The following PTPN22 variants were observed in gnomAD, a reference collection of about 807,000 sequenced individuals.
The protein encoded by PTPN22 is protein tyrosine phosphatase non-receptor type 22.
PTPN22 carries 85 observed loss-of-function variants against 103.3 expected under a neutral mutation model. The ratio of observed to expected loss-of-function variants is 0.82; its 90% CI spans 0.69 to 0.99. The LOEUF (loss-of-function observed/expected upper bound fraction) is 0.99. Among genes scored for constraint, PTPN22 ranks in the 50% least tolerant of loss-of-function variants. The pLI, the probability that PTPN22 is intolerant of heterozygous loss-of-function variation, is 0.00. For missense variants in PTPN22, 865 were observed against 936.9 expected (o/e 0.92, Z 1.00); for synonymous variants, 323 against 310.2 (o/e 1.04, Z -0.43).
chr1:113,848,901 A>C (rs1300875518), intron 10 of PTPN22, among the ~76,000 whole-genome samples: 1 of 152,134 alleles, frequency 6.6e-6, no homozygotes, highest in Non-Finnish European at 1.5e-5. Flanking sequence ...TTATGTTCTA[A>C]ACCTAGTTTC....
At chr1:113,817,912 A>G (rs867882818) in intron 20 of PTPN22, among the ~76,000 whole-genome samples, 5 of 151,620 alleles carry the variant, frequency 3.3e-5, no homozygotes, top group South Asian at 2.1e-4. Flanking sequence ...AGCAGAGAAC[A>G]TTTATGTTCC....
Position 113,838,660 on chromosome 1 carries a change from C to T in PTPN22, c.916-40G>A, listed in dbSNP as rs760006395. On this transcript the variant is annotated intron_variant, in intron 11 of 20. Coordinates refer to ENST00000359785, the Ensembl canonical transcript of PTPN22. ...AGTCAGAGGCTGGTTTTCAGTGAAG[C>T]AATGTCAATAAGATATTTTAATATT... 4.4e-6 allele frequency: 7 copies of T among 1,590,784 alleles called. No individual in the cohort carries two copies. In the East Asian group the frequency reaches 1.3e-4, roughly 31 times the overall value.
intron 4 of PTPN22, 88 bp downstream of exon 4, chr1:113,858,390 G>A (rs1665261190): frequency 1.2e-6 from 1 of 869,348 alleles, no homozygotes; most frequent in African/African-American, 1.7e-5. Context: ...AAAGATGCCT[G>A]AACCCTGAAG....
rs543820627 is a variant in PTPN22, at chr1:113,848,593, C to T, written c.862G>A (p.Glu288Lys). Residue 288 changes from glutamate (E) to lysine (K), a missense_variant, in exon 11 of 21, where the codon GAA (glutamate) becomes AAA (lysine). Glu to Lys is a moderately conservative substitution (Grantham distance 56, BLOSUM62 1). Coordinates refer to ENST00000359785, the Ensembl canonical transcript of PTPN22. Reference sequence around the variant, plus strand: ...ACATCCATCTGTCTCTTAAATAGTTCTAATACAGCATTGTAGACCAGTTCA... The same window carrying T: ...ACATCCATCTGTCTCTTAAATAGTTTTAATACAGCATTGTAGACCAGTTCA... 7 of 1,613,514 alleles carry T rather than the reference C, an allele frequency of 4.3e-6. No homozygotes were observed. The East Asian group carries it at 1.6e-4, about 36-fold the overall frequency.
In PTPN22 at chr1:113,855,398, G is replaced by A. The variant is rs3789610; in HGVS notation, c.541-349C>T. ...TAGTCCCAGCTACTGGGGAGGCCAC[G>A]GCACAAGAGTTGCTTGGACCCAGGA... On this transcript the variant is annotated intron_variant, in intron 7 of 20. Coordinates refer to ENST00000359785, the Ensembl canonical transcript of PTPN22. Among the ~76,000 whole-genome samples the A allele has an allele frequency of 1.4e-3, 211 of 149,148 alleles. 7 individuals carry two copies. In the East Asian group the frequency reaches 0.034, roughly 24 times the overall value.
chr1:113,815,257 A>G lies in PTPN22; in HGVS notation c.2360-288T>C, dbSNP rs947140956. ...TATATATAGGCTTTGATAATTTAGT[A>G]TATAATATCATTTGTCTATGACTTT... On this transcript the variant is annotated intron_variant, in intron 20 of 20. Coordinates refer to ENST00000359785, the Ensembl canonical transcript of PTPN22. 2.0e-5 allele frequency: 5 copies of G among 247,970 alleles called. 1 individual carries two copies. Among genetic ancestry groups the G allele is most frequent in the Non-Finnish European group, 3.8e-5 (5 of 129,926 alleles). 15.4% of individuals were successfully genotyped at this position (247,970 alleles called of 1,614,324 possible). A position where few individuals can be genotyped will look rare whatever the true frequency, so the allele number is the denominator to read the frequency against.
chr1:113,866,501 C>T (rs1295315877), intron 1 of PTPN22, among the ~76,000 whole-genome samples: 1 of 150,006 alleles, frequency 6.7e-6, no homozygotes, highest in African/African-American at 2.4e-5. Flanking sequence ...CAGAGTGAGA[C>T]TCCATCTCAA....
At chr1:113,827,390 C>T (rs1293557374) in intron 18 of PTPN22, among the ~76,000 whole-genome samples, 2 of 151,994 alleles carry the variant, frequency 1.3e-5, no homozygotes, top group African/African-American at 4.8e-5. Flanking sequence ...TTGTTAGTAT[C>T]CTTCCAGTGT....
chr1:113,824,188 G>A (rs1487127234), intron 19 of PTPN22, among the ~76,000 whole-genome samples: 2 of 150,718 alleles, frequency 1.3e-5, no homozygotes, highest in Admixed American at 6.6e-5. Context: ...CGCAACCTCC[G>A]CATCCCGAGT....
chr1:113,814,988 T>C lies in PTPN22; in HGVS notation c.2360-19A>G. ...GCAAAACCTGGGAACAAAAATAAAG[T>C]TGAATGAAAAGAAAGATGTTTTAAG... On this transcript the variant is annotated intron_variant, in intron 20 of 20. Coordinates refer to ENST00000359785, the Ensembl canonical transcript of PTPN22. The C allele has an allele frequency of 3.8e-6, 6 of 1,581,848 alleles. No homozygotes were observed. The highest frequency in any genetic ancestry group is 1.1e-5 in the South Asian group (1 of 88,116).
At chr1:113,845,883 A>G (rs1287683477) in intron 11 of PTPN22, among the ~76,000 whole-genome samples, 3 of 152,124 alleles carry the variant, frequency 2.0e-5, no homozygotes, top group East Asian at 1.9e-4. Context: ...TTATCTCCCT[A>G]TCTCTGATAA....
intron 9 of PTPN22, among the ~76,000 whole-genome samples, chr1:113,853,204 C>G (rs1423963362): frequency 1.3e-5 from 2 of 152,030 alleles, no homozygotes; most frequent in African/African-American, 2.4e-5. Context: ...TCCCAAAGTG[C>G]TGAGATTACA....
intron 11 of PTPN22, among the ~76,000 whole-genome samples, chr1:113,842,665 T>G (rs1444255014): frequency 6.6e-6 from 1 of 151,576 alleles, no homozygotes; most frequent in Admixed American, 6.6e-5. Flanking sequence ...AGAGCGAGAC[T>G]GTGCTCAAAA....
At chr1:113,867,567 T>C (rs1666217561) in intron 1 of PTPN22, among the ~76,000 whole-genome samples, 1 of 152,218 alleles carries the variant, frequency 6.6e-6, no homozygotes, top group South Asian at 2.1e-4. Flanking sequence ...TAGCAATTAG[T>C]TGTTTAATGT....
intron 1 of PTPN22, among the ~76,000 whole-genome samples, chr1:113,868,557 C>T (rs1457145880): frequency 6.6e-6 from 1 of 152,182 alleles, no homozygotes; most frequent in Non-Finnish European, 1.5e-5. Flanking sequence ...TTAGATGGAG[C>T]TGAGAGGAAG....
intron 15 of PTPN22, 44 bp from the exon 16 acceptor site, chr1:113,833,182 A>G (rs371334882): frequency 2.3e-5 from 33 of 1,448,320 alleles, no homozygotes; most frequent in Non-Finnish European, 3.0e-5. Context: ...GAATATGTAT[A>G]CAAATTATAC....
intron 10 of PTPN22, among the ~76,000 whole-genome samples, chr1:113,850,253 G>A: frequency 6.6e-6 from 1 of 150,662 alleles, no homozygotes; most frequent in African/African-American, 2.5e-5. Context: ...AGGAAGGAAG[G>A]AAGGAAGGAA....
rs144077372 is a variant in PTPN22, at chr1:113,863,906, A to AAT, written c.88-4448_88-4447dup. 1.1e-3 allele frequency among the ~76,000 whole-genome samples: 107 copies of AAT among 95,164 alleles called. 1 individual carries two copies. The highest frequency in any genetic ancestry group is 5.7e-3 in the Middle Eastern group (1 of 176). The allele number at this position is 95,164 out of a possible 152,430, so 62.4% of individuals were successfully genotyped here. A position where few individuals can be genotyped will look rare whatever the true frequency, so the allele number is the denominator to read the frequency against. On this transcript the variant is annotated intron_variant, in intron 1 of 20. Transcript: ENST00000359785. Reference sequence around the variant, plus strand: ...TTCAATGAATCCTTTATATTTAATAAATATATATATATATATATATATTTT... The same window carrying AAT: ...TTCAATGAATCCTTTATATTTAATAAATATATATATATATATATATATATTTT...
At chr1:113,867,515 C>T (rs1666212522) in intron 1 of PTPN22, among the ~76,000 whole-genome samples, 2 of 152,156 alleles carry the variant, frequency 1.3e-5, no homozygotes, top group South Asian at 4.1e-4. Context: ...GTTTCCTTGA[C>T]CACCTCACCC....
Sources: gnomAD v4.1 joint callset for allele counts (sites outside exome capture counted in the v4.1 genomes callset) on GRCh38, gnomAD v4.1.1 for gene constraint, MANE v1.5 for transcripts, NCBI Gene and HGNC (gene_info 2026-07-23, HGNC 2026-07-21) for gene names.